The following ROBO2 variants were observed in gnomAD, a reference collection of about 807,000 sequenced individuals.
ROBO2 encodes roundabout homolog 2.
In ROBO2, 53 loss-of-function variants were observed where a neutral mutation model predicts 160.8. That is an observed-to-expected ratio of 0.33 (90% CI 0.26 to 0.41). The LOEUF (loss-of-function observed/expected upper bound fraction) is 0.41. Among genes scored for constraint, ROBO2 ranks in the 10% least tolerant of loss-of-function variants. The pLI is 1.00. For synonymous variants in ROBO2, 664 were observed against 611.7 expected, an observed-to-expected ratio of 1.09 and a Z score of -1.26; for missense variants, 1,577 against 1,722.4, an observed-to-expected ratio of 0.92 and a Z score of 1.49.
intron 2 of ROBO2, among the ~76,000 whole-genome samples, chr3:76,255,043 T>G (rs1706271173): frequency 6.6e-6 from 1 of 152,100 alleles, no homozygotes; most frequent in African/African-American, 2.4e-5. Context: ...AGATGTAGGC[T>G]GACACTTTGG....
chr3:77,376,411 G>C (rs1242382947), intron 2 of ROBO2, among the ~76,000 whole-genome samples: 1 of 151,836 alleles, frequency 6.6e-6, no homozygotes, highest in Non-Finnish European at 1.5e-5. Flanking sequence ...ACCCACCTCA[G>C]CCTCCCAAAG....
chr3:76,568,106 C>T (rs935997673), intron 2 of ROBO2, among the ~76,000 whole-genome samples: 9 of 151,888 alleles, frequency 5.9e-5, no homozygotes, highest in Admixed American at 1.3e-4. Flanking sequence ...TAAGCCACTG[C>T]ACCCTGCTTA....
intron 2 of ROBO2, among the ~76,000 whole-genome samples, chr3:77,199,089 A>G (rs928128221): frequency 6.6e-6 from 1 of 152,190 alleles, no homozygotes; most frequent in African/African-American, 2.4e-5. Context: ...ATTGTAACCA[A>G]CAGCAATGAT....
At chr3:75,920,393 ATTGT>A (rs1177988809) in intron 1 of ROBO2, among the ~76,000 whole-genome samples, 5 of 152,122 alleles carry the variant, frequency 3.3e-5, no homozygotes, top group South Asian at 2.1e-4. Flanking sequence ...GGTTTGAGAG[ATTGT>A]TTGTTATGAT....
chr3:76,208,500 G>A (rs1427033603), intron 2 of ROBO2, among the ~76,000 whole-genome samples: 1 of 152,078 alleles, frequency 6.6e-6, no homozygotes, highest in Non-Finnish European at 1.5e-5. Flanking sequence ...AGCAAGCACC[G>A]TGTCTCTTAG....
At chr3:76,904,298 C>T (rs564886513) in intron 2 of ROBO2, among the ~76,000 whole-genome samples, 3 of 152,176 alleles carry the variant, frequency 2.0e-5, no homozygotes, top group South Asian at 2.1e-4. Flanking sequence ...GCTCATCATA[C>T]GGAAACTACA....
chr3:77,601,809 T>C (rs912854397), intron 19 of ROBO2, among the ~76,000 whole-genome samples: 1 of 152,208 alleles, frequency 6.6e-6, no homozygotes, highest in African/African-American at 2.4e-5. Context: ...CCATGTCTCT[T>C]GGGATAAAGT....
chr3:76,465,675 A>C (rs1397280224), intron 2 of ROBO2, among the ~76,000 whole-genome samples: 1 of 152,080 alleles, frequency 6.6e-6, no homozygotes, highest in Non-Finnish European at 1.5e-5. Flanking sequence ...GATATTCGTC[A>C]GGTTGAAGAA....
intron 2 of ROBO2, among the ~76,000 whole-genome samples, chr3:76,273,725 A>C (rs1275019885): frequency 6.6e-6 from 1 of 152,120 alleles, no homozygotes; most frequent in Non-Finnish European, 1.5e-5. Context: ...TGAGCAGAGC[A>C]GCATGGAGGT....
At chr3:77,215,472 G>A (rs904151066) in intron 2 of ROBO2, among the ~76,000 whole-genome samples, 1 of 152,014 alleles carries the variant, frequency 6.6e-6, no homozygotes, top group African/African-American at 2.4e-5. Context: ...ATTCTAGTTA[G>A]CCATTTGTCT....
At chr3:76,984,623 A>T (rs1349940567) in intron 2 of ROBO2, among the ~76,000 whole-genome samples, 1 of 152,156 alleles carries the variant, frequency 6.6e-6, no homozygotes, top group African/African-American at 2.4e-5. Flanking sequence ...AGTTTGAAAG[A>T]TACATGGAAA....
intron 2 of ROBO2, among the ~76,000 whole-genome samples, chr3:76,864,686 C>A (rs767693084): frequency 2.0e-5 from 3 of 152,032 alleles, no homozygotes; most frequent in Non-Finnish European, 2.9e-5. Context: ...CCCTTGATAG[C>A]AATTTGTGTT....
intron 5 of ROBO2, among the ~76,000 whole-genome samples, chr3:77,511,467 C>G (rs559817826): frequency 6.6e-6 from 1 of 152,122 alleles, no homozygotes; most frequent in Non-Finnish European, 1.5e-5. Context: ...GCCTAGTTAC[C>G]TTATGAGCTG....
chr3:76,934,559 A>G (rs1444568421), intron 2 of ROBO2, among the ~76,000 whole-genome samples: 1 of 152,224 alleles, frequency 6.6e-6, no homozygotes, highest in South Asian at 2.1e-4. Flanking sequence ...GTCCTGGACA[A>G]CATGATGAAA....
chr3:75,946,902 G>A (rs1000368074), intron 2 of ROBO2, among the ~76,000 whole-genome samples: 2 of 152,058 alleles, frequency 1.3e-5, no homozygotes, highest in African/African-American at 4.8e-5. Context: ...TTAGGAGGGT[G>A]TACTCTTGTG....
At chr3:76,132,251 A>G (rs929214959) in intron 2 of ROBO2, among the ~76,000 whole-genome samples, 2 of 152,128 alleles carry the variant, frequency 1.3e-5, no homozygotes, top group African/African-American at 4.8e-5. Flanking sequence ...CTAGGATCAA[A>G]TTGTGGCAAT....
chr3:76,665,888 T>C (rs201187637), intron 2 of ROBO2, among the ~76,000 whole-genome samples: 1 of 118,932 alleles, frequency 8.4e-6, no homozygotes, highest in East Asian at 2.4e-4. Flanking sequence ...ATATATATAA[T>C]ATATACATAT....
chr3:76,240,735 C>T (rs533223157), intron 2 of ROBO2, among the ~76,000 whole-genome samples: 15 of 152,136 alleles, frequency 9.9e-5, no homozygotes, highest in Non-Finnish European at 2.1e-4. Flanking sequence ...GATACATATA[C>T]AAGAGATACT....
intron 1 of ROBO2, among the ~76,000 whole-genome samples, chr3:75,930,254 C>T (rs1235997718): frequency 6.6e-6 from 1 of 152,116 alleles, no homozygotes; most frequent in African/African-American, 2.4e-5. Flanking sequence ...TCCTTGCCAG[C>T]TCATTGGCTT....
Sources: gnomAD v4.1 joint callset for allele counts (sites outside exome capture counted in the v4.1 genomes callset) on GRCh38, gnomAD v4.1.1 for gene constraint, MANE v1.5 for transcripts, NCBI Gene and HGNC (gene_info 2026-07-23, HGNC 2026-07-21) for gene names.